The following ATP9A variants were observed in gnomAD, a reference collection of about 807,000 sequenced individuals.
The protein encoded by ATP9A is probable phospholipid-transporting ATPase IIA.
A neutral mutation model predicts 144.1 loss-of-function variants in ATP9A; 52 were observed. The ratio of observed to expected loss-of-function variants is 0.36; its 90% CI spans 0.29 to 0.45. The LOEUF (loss-of-function observed/expected upper bound fraction) is 0.45. ATP9A is among the 20% of genes least tolerant of loss of function. The pLI is 1.00. For synonymous variants in ATP9A, 582 were observed against 557.4 expected, an observed-to-expected ratio of 1.04 and a Z score of -0.62; for missense variants, 947 against 1,392.7, an observed-to-expected ratio of 0.68 and a Z score of 5.09.
chr20:51,639,939 A>G (rs1244735650), intron 14 of ATP9A, among the ~76,000 whole-genome samples: 1 of 151,926 alleles, frequency 6.6e-6, no homozygotes, highest in African/African-American at 2.4e-5. Context: ...TACAAAAATT[A>G]CCCAGGCATG....
At chr20:51,756,450 C>T (rs961741680) in intron 1 of ATP9A, among the ~76,000 whole-genome samples, 6 of 152,022 alleles carry the variant, frequency 3.9e-5, no homozygotes, top group African/African-American at 1.2e-4. Flanking sequence ...GCCACCACAC[C>T]TGGCTAATTT....
At position 51,712,279 on chromosome 20, in the gene ATP9A, T is replaced by C. The variant is rs372418066; in HGVS notation, c.436+687A>G. Among the ~76,000 whole-genome samples the C allele has an allele frequency of 4.6e-4, 70 of 152,222 alleles. No individual in the cohort carries two copies. The East Asian group carries it at 5.8e-3, about 13-fold the overall frequency. Reference sequence around the variant, plus strand: ...TTAGTAGAGACAGGGTTTCACCATGTTAGCCAGGATGGTCTCGATCTCCGG... The same window carrying C: ...TTAGTAGAGACAGGGTTTCACCATGCTAGCCAGGATGGTCTCGATCTCCGG... On this transcript the variant is annotated intron_variant, in intron 4 of 27. Coordinates refer to ENST00000338821, the MANE Select transcript of ATP9A (RefSeq NM_006045.3).
At chr20:51,755,746 A>C (rs1253836281) in intron 1 of ATP9A, among the ~76,000 whole-genome samples, 4 of 152,148 alleles carry the variant, frequency 2.6e-5, no homozygotes, top group Middle Eastern at 3.2e-3. Flanking sequence ...GGCAGGTCAC[A>C]AGATCAAGAC....
intron 1 of ATP9A, among the ~76,000 whole-genome samples, chr20:51,738,535 C>T (rs574432149): frequency 2.7e-5 from 4 of 150,880 alleles, no homozygotes; most frequent in African/African-American, 9.7e-5. Context: ...GAAACCCTGT[C>T]TCTACTAAAA....
intron 4 of ATP9A, among the ~76,000 whole-genome samples, chr20:51,699,473 C>T (rs1246720451): frequency 6.6e-6 from 1 of 151,860 alleles, no homozygotes; most frequent in Non-Finnish European, 1.5e-5. Context: ...TATTTCACTA[C>T]CATTGAGATT....
intron 10 of ATP9A, among the ~76,000 whole-genome samples, 192 bp downstream of exon 10, chr20:51,675,940 A>G (rs1264454356): frequency 6.6e-6 from 1 of 152,014 alleles, no homozygotes; most frequent in Non-Finnish European, 1.5e-5. Context: ...ATGTAACTAC[A>G]TATTTACGTA....
intron 14 of ATP9A, among the ~76,000 whole-genome samples, chr20:51,643,794 T>C (rs2122753058): frequency 6.6e-6 from 1 of 152,286 alleles, no homozygotes; most frequent in South Asian, 2.1e-4. Context: ...CTGCTAACAA[T>C]TGTCTTCCAA....
chr20:51,605,028 C>A lies in ATP9A; in HGVS notation c.2804-8G>T. On this transcript the variant is annotated splice_region_variant and splice_polypyrimidine_tract_variant and intron_variant, in intron 26 of 27. Transcript: ENST00000338821. Reference sequence around the variant, plus strand: ...CGTACATGATGGTGCTCCCTGCAAACACCAGAGAAGGGTATTCCCCTCACC... The same window carrying A: ...CGTACATGATGGTGCTCCCTGCAAAAACCAGAGAAGGGTATTCCCCTCACC... 5.6e-6 allele frequency: 9 copies of A among 1,598,282 alleles called. No individual in the cohort carries two copies. Among genetic ancestry groups the A allele is most frequent in the Non-Finnish European group, 7.7e-6 (9 of 1,172,102 alleles).
intron 7 of ATP9A, among the ~76,000 whole-genome samples, chr20:51,691,881 G>A (rs1332400625): frequency 6.6e-6 from 1 of 152,176 alleles, no homozygotes; most frequent in Non-Finnish European, 1.5e-5. Flanking sequence ...AACAAAGTGT[G>A]GTCTGTCCAT....
chr20:51,725,183 C>T (rs2077706978), intron 3 of ATP9A, among the ~76,000 whole-genome samples: 2 of 152,206 alleles, frequency 1.3e-5, no homozygotes, highest in Middle Eastern at 3.4e-3. Context: ...AGTGCAGTGG[C>T]GTGATGTCAA....
intron 1 of ATP9A, chr20:51,734,567 G>A (rs1392555008): frequency 6.6e-6 from 1 of 152,100 alleles, no homozygotes; most frequent in Non-Finnish European, 1.5e-5. Context: ...ACACAACCAG[G>A]CCCGAAAATG....
chr20:51,748,564 A>G (rs2077817787), intron 1 of ATP9A, among the ~76,000 whole-genome samples: 1 of 152,076 alleles, frequency 6.6e-6, no homozygotes, highest in Non-Finnish European at 1.5e-5. Flanking sequence ...TCTTTTTTTT[A>G]CGACCAAAGT....
intron 6 of ATP9A, among the ~76,000 whole-genome samples, chr20:51,695,059 T>C (rs561817588): frequency 1.8e-4 from 27 of 152,326 alleles, no homozygotes; most frequent in South Asian, 1.2e-3. Flanking sequence ...ATTCTATTCA[T>C]AATGAAATAC....
At chr20:51,625,561 G>T (rs895100405) in intron 17 of ATP9A, among the ~76,000 whole-genome samples, 199 bp from the exon 18 acceptor site, 2 of 152,060 alleles carry the variant, frequency 1.3e-5, no homozygotes, top group Non-Finnish European at 2.9e-5. Flanking sequence ...GCACAGACCT[G>T]AGTCCCACCC....
chr20:51,630,441 G>A (rs1442506572), intron 15 of ATP9A, among the ~76,000 whole-genome samples: 1 of 152,082 alleles, frequency 6.6e-6, no homozygotes. Flanking sequence ...GGTGGCTCAC[G>A]CCTGTAGTCC....
chr20:51,759,702 A>T (rs58337288), intron 1 of ATP9A, among the ~76,000 whole-genome samples: 3,586 of 152,206 alleles, frequency 0.024, 53 homozygotes, highest in East Asian at 0.061. Flanking sequence ...AAATAAAATT[A>T]AAAAATAAAA....
intron 16 of ATP9A, among the ~76,000 whole-genome samples, chr20:51,627,951 C>T (rs976559460): frequency 1.1e-4 from 16 of 152,134 alleles, no homozygotes; most frequent in Admixed American, 4.6e-4. Context: ...CAACATTGTG[C>T]GGTCTCACAC....
At chr20:51,656,700 T>C (rs992259733) in intron 14 of ATP9A, among the ~76,000 whole-genome samples, 1 of 152,188 alleles carries the variant, frequency 6.6e-6, no homozygotes, top group African/African-American at 2.4e-5. Context: ...TGCTGGCCTT[T>C]TGAGTTACAA....
At chr20:51,730,022 G>A (rs372272279) in intron 1 of ATP9A, 44 bp from the exon 2 acceptor site, 72 of 1,455,062 alleles carry the variant, frequency 4.9e-5, no homozygotes, top group East Asian at 1.8e-4. Context: ...CCCACGCATC[G>A]AGGCTGTGCT....
Sources: gnomAD v4.1 joint callset for allele counts (sites outside exome capture counted in the v4.1 genomes callset) on GRCh38, gnomAD v4.1.1 for gene constraint, MANE v1.5 for transcripts, NCBI Gene and HGNC (gene_info 2026-07-23, HGNC 2026-07-21) for gene names.